PATJ: variants seen among roughly 807,000 people sequenced by gnomAD.
PATJ encodes the protein inaD-like protein.
In PATJ, 190 loss-of-function variants were observed where a neutral mutation model predicts 224.9. The ratio of observed to expected loss-of-function variants is 0.84; its 90% CI spans 0.75 to 0.95. The LOEUF (loss-of-function observed/expected upper bound fraction) is 0.95. Ranked by LOEUF, PATJ falls within the 40% of genes least tolerant of loss-of-function variation. The pLI is 0.00. For synonymous variants in PATJ, 769 were observed against 820.3 expected (o/e 0.94, Z 1.07); for missense variants, 2,121 against 2,270.3 (o/e 0.93, Z 1.34).
intron 9 of PATJ, 29 bp from the exon 10 acceptor site, chr1:61,795,438 C>T (rs1383576734): frequency 1.1e-5 from 15 of 1,401,406 alleles, no homozygotes; most frequent in Admixed American, 4.2e-5. Flanking sequence ...GAATTTTCTT[C>T]CTTTTTCCGT....
chr1:61,925,334 G>C (rs1003155810), intron 26 of PATJ, among the ~76,000 whole-genome samples: 7 of 150,450 alleles, frequency 4.7e-5, no homozygotes, highest in Non-Finnish European at 1.0e-4. Context: ...ATCGAGAATA[G>C]ATCTTTATAG....
chr1:61,774,921 A>G (rs1399206209), intron 6 of PATJ, among the ~76,000 whole-genome samples: 1 of 152,154 alleles, frequency 6.6e-6, no homozygotes, highest in Non-Finnish European at 1.5e-5. Context: ...AGGAATGAGA[A>G]ATGTTTCCTG....
At chr1:62,090,090 C>G (rs74076524) in intron 33 of PATJ, among the ~76,000 whole-genome samples, 4,675 of 152,260 alleles carry the variant, frequency 0.031, 214 homozygotes, top group African/African-American at 0.11. Context: ...GGAGCCAAGA[C>G]AGACGGTTTC....
At chr1:61,918,116 A>T (rs1369414301) in intron 26 of PATJ, 1 of 151,578 alleles carries the variant, frequency 6.6e-6, no homozygotes, top group Non-Finnish European at 1.5e-5. Context: ...TAGTCAAGCT[A>T]CCCTATGAAG....
chr1:61,954,992 A>G (rs530309957), intron 27 of PATJ, among the ~76,000 whole-genome samples: 57 of 152,228 alleles, frequency 3.7e-4, no homozygotes, highest in Non-Finnish European at 6.3e-4. Context: ...TGACCTCATG[A>G]TCCTCCAGCC....
chr1:62,144,115 G>A (rs527618703), intron 41 of PATJ, among the ~76,000 whole-genome samples: 29 of 152,286 alleles, frequency 1.9e-4, no homozygotes, highest in African/African-American at 6.7e-4. Flanking sequence ...GAAATCTATC[G>A]TTTCCTCCTT....
chr1:62,116,527 A>G lies in PATJ; in HGVS notation c.4656-5A>G. 6.2e-7 allele frequency: 1 copy of G among 1,613,862 alleles called. No individual in the cohort carries two copies. Among genetic ancestry groups the G allele is most frequent in the Non-Finnish European group, 8.5e-7 (1 of 1,179,908 alleles). Reference sequence around the variant, plus strand: ...CAATACTGCACTGCTGTATGGTATTAACAGAAATGGAAGCGGAGTGTTTAT... The same window carrying G: ...CAATACTGCACTGCTGTATGGTATTGACAGAAATGGAAGCGGAGTGTTTAT... On this transcript the variant is annotated splice_region_variant and splice_polypyrimidine_tract_variant and intron_variant, in intron 35 of 43. Transcript: ENST00000642238.
At chr1:62,159,683 A>C (rs1270066621) in intron 43 of PATJ, among the ~76,000 whole-genome samples, 1 of 151,234 alleles carries the variant, frequency 6.6e-6, no homozygotes, top group Non-Finnish European at 1.5e-5. Flanking sequence ...CCTCCCGAGG[A>C]GCTGGGACCA....
intron 3 of PATJ, among the ~76,000 whole-genome samples, chr1:61,763,811 C>T (rs373607135): frequency 6.6e-6 from 1 of 151,908 alleles, no homozygotes; most frequent in African/African-American, 2.4e-5. Flanking sequence ...TGTGTGCCAC[C>T]ACAGTTGGGC....
Position 62,050,985 on chromosome 1 carries a change from C to T in PATJ, c.4052C>T (p.Pro1351Leu), listed in dbSNP as rs184565079. 4.3e-5 allele frequency: 69 copies of T among 1,613,820 alleles called. No individual in the cohort carries two copies. In the Middle Eastern group the frequency reaches 8.3e-4, roughly 19 times the overall value. ...CCATAGGATCAGAGCGGCACCGAAC[C>T]TATTAGTAGTGAGGAAGATGGCAGC... ...SSIEDQSGTE[P>L]ISSEEDGSVE... The change falls in exon 31 of 44, where the codon CCT (proline) becomes CTT (leucine). Residue 1351 changes from proline to leucine, a missense_variant. Coordinates refer to ENST00000642238, the MANE Select transcript of PATJ (RefSeq NM_001350145.3).
intron 1 of PATJ, among the ~76,000 whole-genome samples, chr1:61,758,256 T>G (rs555295312): frequency 2.6e-5 from 4 of 152,178 alleles, no homozygotes; most frequent in African/African-American, 7.2e-5. Flanking sequence ...TTCTTCTACA[T>G]TGGGACATAT....
chr1:62,065,399 T>G (rs1047117533), intron 31 of PATJ, among the ~76,000 whole-genome samples: 2 of 152,126 alleles, frequency 1.3e-5, no homozygotes, highest in African/African-American at 4.8e-5. Flanking sequence ...TCACCTGATT[T>G]CAGGAGTTTG....
chr1:61,771,741 TGGA>T, intron 6 of PATJ, 115 bp downstream of exon 6: 2 of 785,744 alleles, frequency 2.5e-6, no homozygotes, highest in Non-Finnish European at 3.8e-6. Context: ...TTTTTTGAGA[TGGA>T]GTTTCGCTCT....
intron 37 of PATJ, among the ~76,000 whole-genome samples, chr1:62,120,543 C>A (rs1182139889): frequency 2.0e-5 from 3 of 152,232 alleles, no homozygotes; most frequent in South Asian, 2.1e-4. Context: ...AAAGACTACA[C>A]AGTATTAACC....
intron 25 of PATJ, among the ~76,000 whole-genome samples, chr1:61,911,195 T>G (rs947199829): frequency 5.3e-5 from 8 of 151,732 alleles, no homozygotes; most frequent in African/African-American, 1.2e-4. Context: ...CTTTCTTGGG[T>G]TTTTTTTGTT....
rs1186626770 is a variant in PATJ, at chr1:61,809,149, G to GT, written c.1683+627dup. ...AAGGTGCCAGAAGACAACTTCGACA[G>GT]TTTTTTTTCCAACATTTTTTAGCAT... On this transcript the variant is annotated intron_variant, in intron 14 of 43. Transcript: ENST00000642238. Among the ~76,000 whole-genome samples the GT allele has an allele frequency of 1.7e-4, 26 of 152,156 alleles. No individual in the cohort carries two copies. In the East Asian group the frequency reaches 4.6e-3, roughly 27 times the overall value.
At position 62,084,608 on chromosome 1, in the gene PATJ, G is replaced by A. The variant is rs367578105; in HGVS notation, c.4337G>A (p.Gly1446Glu). The A allele has an allele frequency of 6.2e-7, 1 of 1,613,206 alleles. No individual in the cohort carries two copies. The highest frequency in any genetic ancestry group is 8.5e-7 in the Non-Finnish European group (1 of 1,179,646). ...MIIEISKGRS[G>E]LGLSIVGGKD... ...ATAGAAATATCCAAGGGACGTTCAG[G>A]GCTTGGTCTCAGCATTGTGGGAGGA... Residue 1446 changes from glycine to glutamate, a missense_variant, in exon 33 of 44, where the codon GGG (glycine) becomes GAG (glutamate). Gly to Glu is a moderately conservative substitution (Grantham distance 98). Coordinates refer to ENST00000642238, the MANE Select transcript of PATJ (RefSeq NM_001350145.3).
chr1:61,805,492 G>C lies in PATJ; in HGVS notation c.1594G>C (p.Glu532Gln). Residue 532 changes from glutamate to glutamine, a missense_variant, in exon 13 of 44, where the codon GAA becomes CAA. Physicochemically the swap from Glu to Gln is conservative, Grantham distance 29. Coordinates refer to ENST00000642238, the MANE Select transcript of PATJ (RefSeq NM_001350145.3). ...SPENELKSRW[E>Q]NLLGPDYEVM... is the part of the protein sequence containing the mutation. ...AGAAAATGAGCTGAAATCCAGATGG[G>C]AAAACCTGTTGGGTCCTGATTATGA... is the stretch of plus-strand genomic sequence containing the variant. 6.2e-7 allele frequency: 1 copy of C among 1,606,756 alleles called. No homozygotes were observed. The highest frequency in any genetic ancestry group is 8.5e-7 in the Non-Finnish European group (1 of 1,173,608).
Position 62,018,783 on chromosome 1 carries a change from AT to A in PATJ, c.3959+840del, listed in dbSNP as rs371880496. Among the ~76,000 whole-genome samples, 21 of 152,280 alleles carry A rather than the reference AT, an allele frequency of 1.4e-4. No homozygotes were observed. The East Asian group carries it at 4.1e-3, about 29-fold the overall frequency. ...AAGGGGTGAAAGAATGTTAGCTGCTATTTTAGGATTATGACAATCATTATTA... is the reference window on the plus strand; with the variant it reads ...AAGGGGTGAAAGAATGTTAGCTGCTATTTAGGATTATGACAATCATTATTA... On this transcript the variant is annotated intron_variant, in intron 29 of 43. Coordinates refer to ENST00000642238, the MANE Select transcript of PATJ (RefSeq NM_001350145.3). The surrounding 1 kb of genome is among the most constrained non-coding windows in gnomAD (Gnocchi z 4.2).
Sources: allele counts gnomAD v4.1 joint callset (sites outside exome capture counted in the v4.1 genomes callset), GRCh38; gene constraint gnomAD v4.1.1; non-coding constraint Gnocchi (gnomAD v3.1); transcripts MANE v1.5; gene names NCBI Gene and HGNC (gene_info 2026-07-23, HGNC 2026-07-21).